Variants in GPC6 observed in about 807,000 individuals in gnomAD.
GPC6 encodes glypican-6.
Under a neutral mutation model 55.2 loss-of-function variants are expected in GPC6, and 14 were observed. The observed-to-expected ratio is 0.25, with a 90% CI of 0.17 to 0.40. The LOEUF (loss-of-function observed/expected upper bound fraction) is 0.40. Ranked by LOEUF, GPC6 falls within the 10% of genes least tolerant of loss-of-function variation. The pLI, the probability that GPC6 is intolerant of heterozygous loss-of-function variation, is 1.00. For synonymous variants in GPC6, 278 were observed against 259.6 expected, an observed-to-expected ratio of 1.07 and a Z score of -0.68; for missense variants, 641 against 708.5, an observed-to-expected ratio of 0.90 and a Z score of 1.08.
intron 3 of GPC6, among the ~76,000 whole-genome samples, chr13:93,954,791 G>A (rs916717190): frequency 7.2e-5 from 11 of 152,166 alleles, no homozygotes; most frequent in Admixed American, 2.6e-4. Context: ...AATATAAGAT[G>A]TAGACTGATA....
chr13:94,112,646 T>G (rs896801842), intron 4 of GPC6, among the ~76,000 whole-genome samples: 1 of 152,198 alleles, frequency 6.6e-6, no homozygotes, highest in East Asian at 1.9e-4. Context: ...TTGCTGCATA[T>G]TTTTAAGGTG....
At chr13:94,063,144 C>A (rs777144302) in intron 4 of GPC6, among the ~76,000 whole-genome samples, 1 of 152,178 alleles carries the variant, frequency 6.6e-6, no homozygotes, top group Non-Finnish European at 1.5e-5. Context: ...TTCACTGACT[C>A]TTCCAGCTTG....
intron 4 of GPC6, among the ~76,000 whole-genome samples, chr13:94,086,988 G>A (rs1052963185): frequency 3.9e-5 from 6 of 152,104 alleles, no homozygotes; most frequent in South Asian, 2.1e-4. Context: ...GAAGCTTAAC[G>A]TTATGTGAGG....
At chr13:93,412,738 A>C (rs1876555292) in intron 1 of GPC6, among the ~76,000 whole-genome samples, 1 of 152,196 alleles carries the variant, frequency 6.6e-6, no homozygotes, top group African/African-American at 2.4e-5. Context: ...ACCCAGAAGA[A>C]GAAACATGTT....
chr13:93,647,934 G>A (rs1880243528), intron 2 of GPC6, among the ~76,000 whole-genome samples: 1 of 152,034 alleles, frequency 6.6e-6, no homozygotes. Flanking sequence ...TCTAACCAGG[G>A]GTATGAAAGC....
At chr13:94,260,797 C>A (rs756272848) in intron 4 of GPC6, among the ~76,000 whole-genome samples, 11 of 151,974 alleles carry the variant, frequency 7.2e-5, no homozygotes, top group Admixed American at 1.3e-4. Flanking sequence ...GAGTTTTCTA[C>A]CTATCAGTCG....
intron 4 of GPC6, among the ~76,000 whole-genome samples, chr13:94,180,878 C>CAG (rs71272207): frequency 0.098 from 14,719 of 149,524 alleles, 873 homozygotes; most frequent in East Asian, 0.19. Context: ...GAGACACACA[C>CAG]AGAGAGAGAG....
chr13:93,524,367 C>A (rs375327903), intron 1 of GPC6, among the ~76,000 whole-genome samples: 9 of 151,994 alleles, frequency 5.9e-5, no homozygotes, highest in African/African-American at 2.2e-4. Flanking sequence ...AGTTGCTTCA[C>A]CTCTAGAGAT....
chr13:94,361,401 C>A (rs1879054252), intron 6 of GPC6, among the ~76,000 whole-genome samples: 1 of 152,220 alleles, frequency 6.6e-6, no homozygotes, highest in South Asian at 2.1e-4. Flanking sequence ...TCATTTTGCA[C>A]TGGGCTCTAC....
rs1881382624 is a variant in GPC6, at chr13:94,406,698, A to G, written c.*3481A>G. ...ATTAGCCTTCTTTAATTCTTTTGCC[A>G]TTACATACATGTTTCGGCTACAGAC... On this transcript the variant is annotated 3_prime_UTR_variant, in exon 9 of 9. Coordinates refer to ENST00000377047, the MANE Select transcript of GPC6 (RefSeq NM_005708.5). 6.6e-6 allele frequency: 1 copy of G among 152,130 alleles called. No individual in the cohort carries two copies. Among genetic ancestry groups the G allele is most frequent in the Non-Finnish European group, 1.5e-5 (1 of 67,966 alleles). 9.4% of individuals were successfully genotyped at this position (152,130 alleles called of 1,614,324 possible).
At chr13:94,157,520 G>A (rs549900845) in intron 4 of GPC6, among the ~76,000 whole-genome samples, 13 of 152,300 alleles carry the variant, frequency 8.5e-5, no homozygotes, top group Admixed American at 5.9e-4. Flanking sequence ...ATGGCCCAGG[G>A]AGTGTTCTCA....
intron 4 of GPC6, among the ~76,000 whole-genome samples, chr13:94,226,481 T>C (rs555946983): frequency 8.5e-5 from 13 of 152,296 alleles, no homozygotes; most frequent in Non-Finnish European, 4.4e-5. Flanking sequence ...GATAAACTGA[T>C]TACCCTGATT....
chr13:93,987,971 T>A (rs533927085), intron 3 of GPC6, among the ~76,000 whole-genome samples: 1 of 152,186 alleles, frequency 6.6e-6, no homozygotes, highest in South Asian at 2.1e-4. Context: ...CCTAACCTGT[T>A]CCACACTGCA....
chr13:94,271,212 C>G lies in GPC6; in HGVS notation c.878-15137C>G, dbSNP rs8001838. On this transcript the variant is annotated intron_variant, in intron 4 of 8. Transcript: ENST00000377047. ...TTCACCGTGTTAGCCAGGATGGTCT[C>G]GATCTCCTGACCTCGTGATCCACCC... 7.3e-5 allele frequency among the ~76,000 whole-genome samples: 11 copies of G among 150,632 alleles called. 1 individual carries two copies. In the South Asian group the frequency reaches 2.1e-3, roughly 29 times the overall value.
chr13:93,388,081 T>C (rs1398525385), intron 1 of GPC6, among the ~76,000 whole-genome samples: 1 of 152,196 alleles, frequency 6.6e-6, no homozygotes, highest in East Asian at 1.9e-4. Context: ...TTGAATGAGA[T>C]ATGATTGTCC....
intron 1 of GPC6, among the ~76,000 whole-genome samples, chr13:93,317,398 C>G (rs1879283233): frequency 6.6e-6 from 1 of 152,078 alleles, no homozygotes; most frequent in South Asian, 2.1e-4. Context: ...AGTTGGAGAC[C>G]TCCCATGCTT....
At chr13:93,233,420 CTCTT>C (rs1372884214) in intron 1 of GPC6, among the ~76,000 whole-genome samples, 3 of 151,232 alleles carry the variant, frequency 2.0e-5, no homozygotes, top group Non-Finnish European at 1.5e-5. Context: ...AACCCATTCT[CTCTT>C]TCTTCTAGGC....
intron 1 of GPC6, among the ~76,000 whole-genome samples, chr13:93,276,634 A>C (rs772348176): frequency 6.6e-5 from 10 of 151,784 alleles, no homozygotes; most frequent in African/African-American, 1.2e-4. Flanking sequence ...AAGAGGAACA[A>C]ATATAGGGTG....
At chr13:93,275,532 T>C (rs1339346439) in intron 1 of GPC6, among the ~76,000 whole-genome samples, 1 of 152,170 alleles carries the variant, frequency 6.6e-6, no homozygotes, top group Non-Finnish European at 1.5e-5. Context: ...GCTAGATGGC[T>C]TAGGGGACAG....
Sources: gnomAD v4.1 joint callset for allele counts (sites outside exome capture counted in the v4.1 genomes callset) on GRCh38, gnomAD v4.1.1 for gene constraint, MANE v1.5 for transcripts, NCBI Gene and HGNC (gene_info 2026-07-23, HGNC 2026-07-21) for gene names.